Variants in LRRC1 observed in about 807,000 individuals in gnomAD.
The protein encoded by LRRC1 is leucine rich repeat containing 1, also known as leucine-rich repeat-containing protein 1.
A neutral mutation model predicts 69.9 loss-of-function variants in LRRC1; 28 were observed. The ratio of observed to expected loss-of-function variants is 0.40; its 90% CI spans 0.30 to 0.55. LRRC1 has a LOEUF of 0.55. LRRC1 is among the 20% of genes least tolerant of loss of function. The pLI is 0.47. For synonymous variants in LRRC1, 236 were observed against 240.2 expected, an observed-to-expected ratio of 0.98 and a Z score of 0.16; for missense variants, 498 against 609.0, an observed-to-expected ratio of 0.82 and a Z score of 1.92.
chr6:53,895,493 G>A (rs534367298), intron 4 of LRRC1, among the ~76,000 whole-genome samples: 3 of 152,220 alleles, frequency 2.0e-5, no homozygotes, highest in Non-Finnish European at 4.4e-5. Flanking sequence ...AGATTAGAGT[G>A]TTGGGATAAT....
chr6:53,850,115 A>C lies in LRRC1; in HGVS notation c.277+7888A>C, dbSNP rs143626875. 4.1e-4 allele frequency among the ~76,000 whole-genome samples: 62 copies of C among 150,150 alleles called. 1 individual carries two copies. The East Asian group carries it at 0.011, about 27-fold the overall frequency. On this transcript the variant is annotated intron_variant, in intron 2 of 13. Coordinates refer to ENST00000370888, the MANE Select transcript of LRRC1 (RefSeq NM_018214.5). ...ATTTATTGAGTACTTACTAAATGTA[A>C]GGCTCTATGCTAAATTGTTCTATCC...
intron 1 of LRRC1, among the ~76,000 whole-genome samples, chr6:53,799,433 A>G (rs544298860): frequency 6.6e-6 from 1 of 152,230 alleles, no homozygotes; most frequent in African/African-American, 2.4e-5. Context: ...ACATGGGTAG[A>G]TGGGCCCTGT....
intron 2 of LRRC1, among the ~76,000 whole-genome samples, chr6:53,857,519 A>G (rs1766350290): frequency 1.3e-5 from 2 of 152,216 alleles, no homozygotes; most frequent in Non-Finnish European, 2.9e-5. Context: ...CACCATTGTT[A>G]AAGGACTGGT....
At chr6:53,878,428 G>A (rs1370059408) in intron 2 of LRRC1, among the ~76,000 whole-genome samples, 1 of 152,208 alleles carries the variant, frequency 6.6e-6, no homozygotes, top group African/African-American at 2.4e-5. Context: ...TTGTTTTCCT[G>A]CAACTGGACA....
intron 1 of LRRC1, among the ~76,000 whole-genome samples, chr6:53,837,712 G>T (rs973303333): frequency 6.6e-6 from 1 of 152,106 alleles, no homozygotes; most frequent in African/African-American, 2.4e-5. Context: ...GCTCTTCTAG[G>T]ACTGAGATTT....
At chr6:53,856,695 G>A (rs530535842) in intron 2 of LRRC1, among the ~76,000 whole-genome samples, 1 of 152,342 alleles carries the variant, frequency 6.6e-6, no homozygotes, top group Admixed American at 6.5e-5. Flanking sequence ...CAAAAGGCTT[G>A]TGTGTTTGCT....
intron 2 of LRRC1, among the ~76,000 whole-genome samples, chr6:53,865,386 C>G (rs1262679597): frequency 1.3e-5 from 2 of 152,008 alleles, no homozygotes; most frequent in African/African-American, 4.8e-5. Context: ...TAATTAGACT[C>G]AAATGGGGAA....
At chr6:53,841,225 C>T (rs1214656845) in intron 1 of LRRC1, among the ~76,000 whole-genome samples, 3 of 152,182 alleles carry the variant, frequency 2.0e-5, no homozygotes, top group African/African-American at 7.2e-5. Context: ...TTTCCAGGCT[C>T]CTGCCTGGCT....
At chr6:53,848,466 C>T (rs556882792) in intron 2 of LRRC1, among the ~76,000 whole-genome samples, 19 of 152,276 alleles carry the variant, frequency 1.2e-4, no homozygotes, top group South Asian at 6.2e-4. Flanking sequence ...CCATTTCAAA[C>T]GCTGAAAACG....
chr6:53,798,405 TCTCA>T (rs1222759677), intron 1 of LRRC1, among the ~76,000 whole-genome samples: 1 of 152,316 alleles, frequency 6.6e-6, no homozygotes, highest in Admixed American at 6.5e-5. Context: ...TGAGACGGAG[TCTCA>T]CTCTTGTTGC....
At chr6:53,917,402 A>T (rs1011970165) in intron 11 of LRRC1, among the ~76,000 whole-genome samples, 1 of 152,248 alleles carries the variant, frequency 6.6e-6, no homozygotes, top group Non-Finnish European at 1.5e-5. Flanking sequence ...CTGGTGTTTC[A>T]GGCAACTCAT....
intron 1 of LRRC1, among the ~76,000 whole-genome samples, chr6:53,798,277 C>T (rs1764360253): frequency 6.6e-6 from 1 of 152,254 alleles, no homozygotes; most frequent in African/African-American, 2.4e-5. Flanking sequence ...ACTTCTCCCC[C>T]ATACCCGCAG....
chr6:53,806,405 G>A (rs1363863899), intron 1 of LRRC1, among the ~76,000 whole-genome samples: 2 of 152,058 alleles, frequency 1.3e-5, no homozygotes, highest in Non-Finnish European at 2.9e-5. Context: ...ATGAAGAACC[G>A]GGCAGTCTAT....
intron 7 of LRRC1, among the ~76,000 whole-genome samples, chr6:53,898,404 C>T (rs1767940519): frequency 6.6e-6 from 1 of 152,096 alleles, no homozygotes; most frequent in Admixed American, 6.5e-5. Context: ...ACTATCATGA[C>T]ATTATCAGGA....
intron 1 of LRRC1, among the ~76,000 whole-genome samples, chr6:53,825,413 T>G (rs959278269): frequency 6.6e-6 from 1 of 152,228 alleles, no homozygotes; most frequent in African/African-American, 2.4e-5. Context: ...CCAAGGAGAC[T>G]GGGGCGCCAT....
chr6:53,872,673 A>G (rs747639798), intron 2 of LRRC1, among the ~76,000 whole-genome samples: 1 of 151,308 alleles, frequency 6.6e-6, no homozygotes, highest in Non-Finnish European at 1.5e-5. Context: ...GAAGAATATC[A>G]GTGGTATTTT....
intron 1 of LRRC1, among the ~76,000 whole-genome samples, chr6:53,838,490 A>C (rs1179546654): frequency 6.6e-6 from 1 of 152,174 alleles, no homozygotes; most frequent in Non-Finnish European, 1.5e-5. Context: ...TTCTTGTCTT[A>C]TTTCTGAATG....
intron 3 of LRRC1, among the ~76,000 whole-genome samples, chr6:53,881,629 C>T (rs935126300): frequency 7.9e-5 from 12 of 151,978 alleles, no homozygotes; most frequent in African/African-American, 2.9e-4. Flanking sequence ...TGGAATTAAC[C>T]TATATTAAAT....
At chr6:53,894,299 G>T (rs919855598) in intron 4 of LRRC1, among the ~76,000 whole-genome samples, 1 of 152,190 alleles carries the variant, frequency 6.6e-6, no homozygotes, top group Non-Finnish European at 1.5e-5. Flanking sequence ...CTCACAGAAG[G>T]CGCCCTGCAC....
Sources: gnomAD v4.1 joint callset for allele counts (sites outside exome capture counted in the v4.1 genomes callset) on GRCh38, gnomAD v4.1.1 for gene constraint, MANE v1.5 for transcripts, NCBI Gene and HGNC (gene_info 2026-07-23, HGNC 2026-07-21) for gene names.